The following FLT3 variants were observed in gnomAD, a reference collection of about 807,000 sequenced individuals.
The protein encoded by FLT3 is fms related receptor tyrosine kinase 3, also known as receptor-type tyrosine-protein kinase FLT3.
Under a neutral mutation model 126.6 loss-of-function variants are expected in FLT3, and 46 were observed. The ratio of observed to expected loss-of-function variants is 0.36; its 90% CI spans 0.29 to 0.46. The LOEUF is 0.46. Among genes scored for constraint, FLT3 ranks in the 20% least tolerant of loss-of-function variants. The pLI, the probability that FLT3 is intolerant of heterozygous loss-of-function variation, is 1.00. For missense variants in FLT3, 1,069 were observed against 1,190.3 expected, an observed-to-expected ratio of 0.90 and a Z score of 1.50; for synonymous variants, 404 against 434.4, an observed-to-expected ratio of 0.93 and a Z score of 0.87.
chr13:28,081,596 T>C (rs957288363), intron 1 of FLT3, among the ~76,000 whole-genome samples: 1 of 152,146 alleles, frequency 6.6e-6, no homozygotes, highest in Non-Finnish European at 1.5e-5. Context: ...TTTCATTTCT[T>C]TTTCACGTCT....
chr13:28,063,480 A>G (rs1195492752), intron 2 of FLT3, among the ~76,000 whole-genome samples: 2 of 152,220 alleles, frequency 1.3e-5, no homozygotes, highest in Non-Finnish European at 2.9e-5. Flanking sequence ...ACTCTGTCTC[A>G]AAAAATTAAT....
At chr13:28,028,347 A>G (rs1461044083) in intron 15 of FLT3, 59 bp from the exon 16 acceptor site, 2 of 871,814 alleles carry the variant, frequency 2.3e-6, no homozygotes, top group Non-Finnish European at 3.8e-6. Flanking sequence ...ATTTTATGTC[A>G]TTAAATAAAA....
intron 20 of FLT3, among the ~76,000 whole-genome samples, chr13:28,017,850 G>C (rs1872025270): frequency 6.6e-6 from 1 of 151,914 alleles, no homozygotes; most frequent in Non-Finnish European, 1.5e-5. Flanking sequence ...ATTTTCAGTA[G>C]AGACAGAGTT....
chr13:28,023,807 T>G (rs1872596202), intron 18 of FLT3, among the ~76,000 whole-genome samples: 1 of 151,880 alleles, frequency 6.6e-6, no homozygotes, highest in African/African-American at 2.4e-5. Flanking sequence ...TATCCCTTTT[T>G]TTTTTGAGAA....
intron 17 of FLT3, among the ~76,000 whole-genome samples, chr13:28,026,258 G>A (rs1872787331): frequency 6.8e-6 from 1 of 147,104 alleles, no homozygotes; most frequent in Non-Finnish European, 1.5e-5. Context: ...GCTGAGGCAA[G>A]AGAATCGCTT....
At chr13:28,095,294 T>G (rs1270238751) in intron 1 of FLT3, among the ~76,000 whole-genome samples, 2 of 152,126 alleles carry the variant, frequency 1.3e-5, no homozygotes, top group African/African-American at 4.8e-5. Context: ...CTTTTTTTTT[T>G]GAGAAGGAGT....
At chr13:28,083,541 T>C (rs1878464773) in intron 1 of FLT3, among the ~76,000 whole-genome samples, 1 of 152,244 alleles carries the variant, frequency 6.6e-6, no homozygotes, top group South Asian at 2.1e-4. Flanking sequence ...TTCAGTTTTC[T>C]GGAGGAGTCT....
intron 2 of FLT3, among the ~76,000 whole-genome samples, chr13:28,068,522 G>A (rs1375888876): frequency 1.3e-5 from 2 of 150,484 alleles, no homozygotes; most frequent in African/African-American, 4.9e-5. Context: ...AAAAATCTAT[G>A]ATATATATCA....
chr13:28,019,992 C>T (rs1872238652), intron 19 of FLT3, among the ~76,000 whole-genome samples: 1 of 152,188 alleles, frequency 6.6e-6, no homozygotes, highest in South Asian at 2.1e-4. Flanking sequence ...CCAACCCAAA[C>T]ATTTCTCTTG....
chr13:28,021,473 G>C (rs1480488063), intron 19 of FLT3, among the ~76,000 whole-genome samples: 2 of 152,154 alleles, frequency 1.3e-5, no homozygotes, highest in Admixed American at 6.6e-5. Flanking sequence ...CAAGATGCGC[G>C]AGCAAGAAGA....
At chr13:28,032,530 A>G (rs1873437460) in intron 15 of FLT3, among the ~76,000 whole-genome samples, 1 of 152,244 alleles carries the variant, frequency 6.6e-6, no homozygotes, top group Non-Finnish European at 1.5e-5. Flanking sequence ...GGATGGCTTG[A>G]GCCTGGGAAG....
At chr13:28,070,386 A>T (rs1877393640) in intron 2 of FLT3, 105 bp downstream of exon 2, 1 of 901,486 alleles carries the variant, frequency 1.1e-6, no homozygotes, top group Non-Finnish European at 1.7e-6. Flanking sequence ...TAATATACTT[A>T]AATACATAAA....
At chr13:28,061,514 C>T (rs1261989090) in intron 3 of FLT3, among the ~76,000 whole-genome samples, 2 of 152,016 alleles carry the variant, frequency 1.3e-5, no homozygotes, top group African/African-American at 2.4e-5. Context: ...ACCTGTAATC[C>T]CGGTACTTTT....
At chr13:28,026,050 T>C (rs1240244805) in intron 17 of FLT3, among the ~76,000 whole-genome samples, 2 of 151,896 alleles carry the variant, frequency 1.3e-5, no homozygotes, top group African/African-American at 4.8e-5. Context: ...GGGAGGGAAA[T>C]AAGAACGCGC....
At chr13:28,035,017 A>T (rs1179685501) in intron 12 of FLT3, among the ~76,000 whole-genome samples, 3 of 152,126 alleles carry the variant, frequency 2.0e-5, no homozygotes, top group Non-Finnish European at 2.9e-5. Flanking sequence ...TATCCCTTTT[A>T]TGAAGGTCGC....
At chr13:28,010,252 C>T (rs542977477) in intron 23 of FLT3, among the ~76,000 whole-genome samples, 11 of 152,296 alleles carry the variant, frequency 7.2e-5, no homozygotes, top group Non-Finnish European at 1.6e-4. Flanking sequence ...TACTTAATAT[C>T]ACATGGCAAG....
chr13:28,016,831 T>G (rs4128996), intron 20 of FLT3, among the ~76,000 whole-genome samples: 13,965 of 151,984 alleles, frequency 0.092, 1,722 homozygotes, highest in African/African-American at 0.29. Context: ...TGAGTAGGAG[T>G]AGATCGTAAA....
chr13:28,070,645 AC>A (rs759299301), intron 1 of FLT3, 33 bp from the exon 2 acceptor site: 1 of 1,529,880 alleles, frequency 6.5e-7, no homozygotes, highest in South Asian at 1.1e-5. Context: ...TAATGTTGAT[AC>A]ATGCACACCT....
intron 1 of FLT3, among the ~76,000 whole-genome samples, chr13:28,072,709 T>C (rs1379446703): frequency 6.6e-6 from 1 of 151,832 alleles, no homozygotes; most frequent in Non-Finnish European, 1.5e-5. Context: ...ATCTATTCTC[T>C]TAACAAATAT....
Sources: gnomAD v4.1 joint callset for allele counts (sites outside exome capture counted in the v4.1 genomes callset) on GRCh38, gnomAD v4.1.1 for gene constraint, MANE v1.5 for transcripts, NCBI Gene and HGNC (gene_info 2026-07-23, HGNC 2026-07-21) for gene names.